KBTBD11: variants seen among roughly 807,000 people sequenced by gnomAD.
The protein encoded by KBTBD11 is kelch repeat and BTB domain-containing protein 11.
For missense variants in KBTBD11, 1,390 were observed against 1,001.8 expected, an observed-to-expected ratio of 1.39 and a Z score of -5.23; for synonymous variants, 747 against 499.0, an observed-to-expected ratio of 1.50 and a Z score of -6.63.
chr8:1,991,945 C>T (rs1435711156), intron 1 of KBTBD11, among the ~76,000 whole-genome samples: 1 of 152,134 alleles, frequency 6.6e-6, no homozygotes, highest in Non-Finnish European at 1.5e-5. Context: ...CTTATTTCAT[C>T]GCGGTAGACA....
Position 2,000,671 on chromosome 8 carries a change from A to T in KBTBD11, c.-522A>T, listed in dbSNP as rs563034154. The stretch of plus-strand genomic sequence containing the variant: ...GGGCGCGGTGATATGACAGCATGTG[A>T]AGTGAGTGGGTGAGCACGGACTCCT... On this transcript the variant is annotated 5_prime_UTR_variant, in exon 2 of 2. The change abolishes the stop of an existing upstream ORF in the 5' untranslated region. Coordinates refer to ENST00000320248, the MANE Select transcript of KBTBD11 (RefSeq NM_014867.3). The T allele has an allele frequency of 6.5e-6, 1 of 154,354 alleles. No individual in the cohort carries two copies. The highest frequency in any genetic ancestry group is 2.4e-5 in the African/African-American group (1 of 41,650). The allele number at this position is 154,354 out of a possible 1,614,324, so 9.6% of individuals were successfully genotyped here. A position where few individuals can be genotyped will look rare whatever the true frequency, so the allele number is the denominator to read the frequency against.
chr8:1,983,067 A>G (rs1379028453), intron 1 of KBTBD11, among the ~76,000 whole-genome samples: 1 of 151,986 alleles, frequency 6.6e-6, no homozygotes, highest in African/African-American at 2.4e-5. Context: ...TGTTGACTGT[A>G]CCCAGTCCCC....
In KBTBD11 at chr8:1,973,707, G is replaced by C; in HGVS notation, c.-1137G>C. 2 of 983,752 alleles carry C rather than the reference G, an allele frequency of 2.0e-6. No homozygotes were observed. Among genetic ancestry groups the C allele is most frequent in the Non-Finnish European group, 2.4e-6 (2 of 829,286 alleles). The allele number at this position is 983,752 out of a possible 1,614,324, so 60.9% of individuals were successfully genotyped here. On this transcript the variant is annotated 5_prime_UTR_variant, in exon 1 of 2. Coordinates refer to ENST00000320248, the MANE Select transcript of KBTBD11 (RefSeq NM_014867.3). ...CCGCGCGCGCCCCTCGCAGCCTGGAGCCGGAGCGCTGGCTCCGCGCGGCCT... is the reference window on the plus strand; with the variant it reads ...CCGCGCGCGCCCCTCGCAGCCTGGACCCGGAGCGCTGGCTCCGCGCGGCCT...
At chr8:1,974,632 A>C (rs1184095736) in intron 1 of KBTBD11, 2 of 984,958 alleles carry the variant, frequency 2.0e-6, no homozygotes, top group Non-Finnish European at 1.2e-6. Flanking sequence ...GCGGCTCCCG[A>C]GTCCTGCCGG....
intron 1 of KBTBD11, among the ~76,000 whole-genome samples, chr8:1,981,289 A>G (rs946382021): frequency 6.6e-6 from 1 of 152,246 alleles, no homozygotes; most frequent in East Asian, 1.9e-4. Flanking sequence ...AGAAATGCTT[A>G]AGGGAATTCT....
rs1349577641 is a variant in KBTBD11 at position 2,004,019 on chromosome 8, G to T, written c.*955G>T. Reference sequence around the variant, plus strand: ...GACAGTTCTATAAAAAAAAGTGTAGGCACATTTTAAACCCACTGTATATGA... The same window carrying T: ...GACAGTTCTATAAAAAAAAGTGTAGTCACATTTTAAACCCACTGTATATGA... On this transcript the variant is annotated 3_prime_UTR_variant, in exon 2 of 2. Coordinates refer to ENST00000320248, the MANE Select transcript of KBTBD11 (RefSeq NM_014867.3). 2.4e-5 allele frequency: 4 copies of T among 166,770 alleles called. No individual in the cohort carries two copies. The highest frequency in any genetic ancestry group is 9.7e-5 in the African/African-American group (4 of 41,444). 10.3% of individuals were successfully genotyped at this position (166,770 alleles called of 1,614,324 possible). A position where few individuals can be genotyped will look rare whatever the true frequency, so the allele number is the denominator to read the frequency against.
intron 1 of KBTBD11, among the ~76,000 whole-genome samples, chr8:1,978,435 G>T (rs1585718903): frequency 6.6e-6 from 1 of 152,224 alleles, no homozygotes; most frequent in East Asian, 1.9e-4. Flanking sequence ...CACACTGGGG[G>T]CTGGCGCAGC....
At chr8:1,976,253 A>G (rs1266829734) in intron 1 of KBTBD11, 1 of 151,930 alleles carries the variant, frequency 6.6e-6, no homozygotes, top group Admixed American at 6.6e-5. Context: ...TCCGGAGGTC[A>G]AGGGCTCATC....
intron 1 of KBTBD11, among the ~76,000 whole-genome samples, chr8:1,997,231 A>G (rs7012101): frequency 0.22 from 34,191 of 152,042 alleles, 5,761 homozygotes; most frequent in African/African-American, 0.47. Flanking sequence ...GGAGCCAACC[A>G]CAAAATGGTG....
chr8:1,994,022 A>G (rs1013325377), intron 1 of KBTBD11, among the ~76,000 whole-genome samples: 1 of 151,946 alleles, frequency 6.6e-6, no homozygotes, highest in Non-Finnish European at 1.5e-5. Context: ...GCAGTAGGAC[A>G]GAGGGGAGTG....
At chr8:1,980,244 T>G (rs1816494872) in intron 1 of KBTBD11, among the ~76,000 whole-genome samples, 1 of 151,304 alleles carries the variant, frequency 6.6e-6, no homozygotes, top group South Asian at 2.1e-4. Flanking sequence ...TTTTTTTTTT[T>G]TGAGATGGGG....
rs1438401101 is a variant in KBTBD11, at chr8:2,005,359, A to C, written c.*2295A>C. 1.8e-5 allele frequency: 3 copies of C among 167,158 alleles called. No individual in the cohort carries two copies. Among genetic ancestry groups the C allele is most frequent in the Middle Eastern group, 3.1e-3 (1 of 318 alleles). The allele number at this position is 167,158 out of a possible 1,614,324, so 10.4% of individuals were successfully genotyped here. A position where few individuals can be genotyped will look rare whatever the true frequency, so the allele number is the denominator to read the frequency against. On this transcript the variant is annotated 3_prime_UTR_variant, in exon 2 of 2. Transcript: ENST00000320248. The stretch of plus-strand genomic sequence containing the variant: ...TAGAATAGTATACACCACAGTTCTG[A>C]ATAGTGATATCACATAAAAATACAT...
intron 1 of KBTBD11, among the ~76,000 whole-genome samples, chr8:1,982,875 A>G (rs1008067616): frequency 3.9e-5 from 6 of 151,970 alleles, no homozygotes; most frequent in African/African-American, 1.5e-4. Flanking sequence ...ATAGGCACAC[A>G]CCACCATGCC....
intron 1 of KBTBD11, among the ~76,000 whole-genome samples, chr8:1,983,343 C>T (rs1167020126): frequency 6.6e-6 from 1 of 152,224 alleles, no homozygotes; most frequent in Non-Finnish European, 1.5e-5. Flanking sequence ...AGCCACCATA[C>T]ATCTGTCCCC....
Position 2,001,494 on chromosome 8 carries a change from A to C in KBTBD11, c.302A>C (p.Glu101Ala). The change falls in exon 2 of 2, where the codon GAA (glutamate) becomes GCA (alanine). Residue 101 changes from glutamate to alanine, a missense_variant. Glu to Ala is a moderately radical substitution (Grantham distance 107). Transcript: ENST00000320248. ...TCCCCTGAGGAGCGCGCGTGCCCGG[A>C]AGAGCCCGCGGCGCCGTCCCCCGAA... ...LASPEERACP[E>A]EPAAPSPEPR... The C allele has an allele frequency of 1.4e-6, 2 of 1,386,922 alleles. No individual in the cohort carries two copies. The highest frequency in any genetic ancestry group is 1.9e-6 in the Non-Finnish European group (2 of 1,076,908). The allele number at this position is 1,386,922 out of a possible 1,614,324, so 85.9% of individuals were successfully genotyped here.
At chr8:1,993,710 C>A (rs1327915790) in intron 1 of KBTBD11, among the ~76,000 whole-genome samples, 1 of 151,776 alleles carries the variant, frequency 6.6e-6, no homozygotes, top group Non-Finnish European at 1.5e-5. Flanking sequence ...TGTAATGATA[C>A]TATGTGGTGC....
chr8:2,006,883 G>A lies in KBTBD11; in HGVS notation c.*3819G>A, dbSNP rs995078794. ...CTGGGCATAAATAGTGCAGAGCCTC[G>A]TATGTTTGTCAGTTCATGCCGAGAT... is the stretch of plus-strand genomic sequence containing the variant. On this transcript the variant is annotated 3_prime_UTR_variant, in exon 2 of 2. Coordinates refer to ENST00000320248, the MANE Select transcript of KBTBD11 (RefSeq NM_014867.3). 3 of 167,054 alleles carry A rather than the reference G, an allele frequency of 1.8e-5. No individual in the cohort carries two copies. The highest frequency in any genetic ancestry group is 4.4e-5 in the Non-Finnish European group (3 of 68,112). The allele number at this position is 167,054 out of a possible 1,614,324, so 10.3% of individuals were successfully genotyped here. A position where few individuals can be genotyped will look rare whatever the true frequency, so the allele number is the denominator to read the frequency against.
chr8:2,000,665 C>T lies in KBTBD11; in HGVS notation c.-528C>T, dbSNP rs529862920. The T allele has an allele frequency of 1.9e-5, 3 of 154,124 alleles. No individual in the cohort carries two copies. The highest frequency in any genetic ancestry group is 1.9e-4 in the East Asian group (1 of 5,258). 9.5% of individuals were successfully genotyped at this position (154,124 alleles called of 1,614,324 possible). A position where few individuals can be genotyped will look rare whatever the true frequency, so the allele number is the denominator to read the frequency against. On this transcript the variant is annotated 5_prime_UTR_variant, in exon 2 of 2. Transcript: ENST00000320248. ...TTCTGGGGGCGCGGTGATATGACAG[C>T]ATGTGAAGTGAGTGGGTGAGCACGG...
intron 1 of KBTBD11, among the ~76,000 whole-genome samples, chr8:1,988,184 A>G (rs183369769): frequency 2.6e-5 from 4 of 152,340 alleles, no homozygotes; most frequent in African/African-American, 9.6e-5. Flanking sequence ...TAGTGCTGCT[A>G]TAAACATACG....
Sources: gnomAD v4.1 joint callset for allele counts (sites outside exome capture counted in the v4.1 genomes callset) on GRCh38, gnomAD v4.1.1 for gene constraint, MANE v1.5 for transcripts, NCBI Gene and HGNC (gene_info 2026-07-23, HGNC 2026-07-21) for gene names.